TNIK: variants seen among roughly 807,000 people sequenced by gnomAD.
TNIK encodes TRAF2 and NCK-interacting protein kinase.
TNIK carries 49 observed loss-of-function variants against 191.3 expected under a neutral mutation model. That is an observed-to-expected ratio of 0.26 (90% CI 0.20 to 0.32). The LOEUF (loss-of-function observed/expected upper bound fraction) is 0.32, where lower values mean the gene tolerates loss of function less well. TNIK is among the 10% of genes least tolerant of loss of function. The pLI is 1.00. For synonymous variants in TNIK, 594 were observed against 600.9 expected (o/e 0.99, Z 0.17); for missense variants, 1,155 against 1,702.3 (o/e 0.68, Z 5.66).
chr3:171,327,353 T>C (rs1388200655), intron 2 of TNIK, among the ~76,000 whole-genome samples: 1 of 152,170 alleles, frequency 6.6e-6, no homozygotes, highest in Non-Finnish European at 1.5e-5. Context: ...TCACCAACTA[T>C]TTCTCTTGCC....
At chr3:171,099,495 C>A (rs1723157594) in intron 22 of TNIK, among the ~76,000 whole-genome samples, 1 of 151,960 alleles carries the variant, frequency 6.6e-6, no homozygotes, top group Admixed American at 6.6e-5. Flanking sequence ...TCACTGAAGA[C>A]CCACTGTATT....
chr3:171,067,219 C>A (rs892656067), intron 30 of TNIK, among the ~76,000 whole-genome samples: 3 of 152,008 alleles, frequency 2.0e-5, no homozygotes, highest in South Asian at 4.2e-4. Flanking sequence ...TGTAAGCCAG[C>A]TGAATCTAAT....
At position 171,085,218 on chromosome 3, in the gene TNIK, C is replaced by A. The variant is rs768627655; in HGVS notation, c.2898G>T (p.Gly966=). 3 of 1,608,714 alleles carry A rather than the reference C, an allele frequency of 1.9e-6. No individual in the cohort carries two copies. In the South Asian group the frequency reaches 3.3e-5, roughly 18 times the overall value. Residue 966 remains glycine, a synonymous_variant, in exon 25 of 33, where the codon GGG becomes GGT. Coordinates refer to ENST00000436636, the MANE Select transcript of TNIK (RefSeq NM_015028.4). ...EMDSGTEYGM[G]SSTKASFTPF... ...GGGTGAAGGAGGCTTTGGTGCTGCTCCCCATGCCATACTAATCAATAAGCA... is the reference window on the plus strand; with the variant it reads ...GGGTGAAGGAGGCTTTGGTGCTGCTACCCATGCCATACTAATCAATAAGCA...
At chr3:171,240,133 T>G (rs1415108893) in intron 2 of TNIK, among the ~76,000 whole-genome samples, 4 of 152,154 alleles carry the variant, frequency 2.6e-5, no homozygotes, top group Non-Finnish European at 5.9e-5. Context: ...CTGACTCCAG[T>G]GAAATTCTTC....
chr3:171,350,137 T>G (rs1225027324), intron 2 of TNIK, among the ~76,000 whole-genome samples: 1 of 152,238 alleles, frequency 6.6e-6, no homozygotes, highest in African/African-American at 2.4e-5. Context: ...CTGCCAATAT[T>G]GTCTATACCA....
At chr3:171,424,741 C>A (rs1724308260) in intron 1 of TNIK, among the ~76,000 whole-genome samples, 1 of 149,210 alleles carries the variant, frequency 6.7e-6, no homozygotes, top group Non-Finnish European at 1.5e-5. Flanking sequence ...GGACAAAAAA[C>A]CAAACACCGC....
intron 23 of TNIK, 22 bp from the exon 24 acceptor site, chr3:171,087,528 G>GA (rs1485884593): frequency 6.2e-7 from 1 of 1,608,780 alleles, no homozygotes; most frequent in Non-Finnish European, 8.5e-7. Flanking sequence ...CAGCACGTGG[G>GA]AGGAGTTAGA....
chr3:171,130,258 C>T (rs564966522), intron 15 of TNIK, among the ~76,000 whole-genome samples: 8 of 152,292 alleles, frequency 5.3e-5, no homozygotes, highest in African/African-American at 1.9e-4. Context: ...TTTTTAAACT[C>T]ATACTAACCT....
chr3:171,247,408 C>T (rs1560317156), intron 2 of TNIK, among the ~76,000 whole-genome samples: 1 of 152,164 alleles, frequency 6.6e-6, no homozygotes, highest in African/African-American at 2.4e-5. Flanking sequence ...CAGAAGTCCT[C>T]CAGGAAGATA....
chr3:171,118,104 C>A (rs1389366313), intron 18 of TNIK, among the ~76,000 whole-genome samples: 1 of 152,108 alleles, frequency 6.6e-6, no homozygotes, highest in Non-Finnish European at 1.5e-5. Context: ...TCTCAGGATA[C>A]AAAATCAATG....
intron 32 of TNIK, 113 bp downstream of exon 32, chr3:171,066,074 G>C: frequency 7.4e-7 from 1 of 1,355,710 alleles, no homozygotes. Flanking sequence ...AGATAATATT[G>C]ATTGTTTAAC....
At chr3:171,422,652 T>C (rs1290331280) in intron 1 of TNIK, among the ~76,000 whole-genome samples, 2 of 152,226 alleles carry the variant, frequency 1.3e-5, no homozygotes, top group Non-Finnish European at 1.5e-5. Flanking sequence ...TGCTATGCAC[T>C]GAGATACAAA....
chr3:171,229,400 C>T (rs761992568), intron 2 of TNIK, among the ~76,000 whole-genome samples: 1 of 152,160 alleles, frequency 6.6e-6, no homozygotes. Context: ...TATGAATTAA[C>T]AACAGATAAG....
At chr3:171,289,146 G>C (rs1751393624) in intron 2 of TNIK, among the ~76,000 whole-genome samples, 1 of 152,100 alleles carries the variant, frequency 6.6e-6, no homozygotes, top group Admixed American at 6.6e-5. Flanking sequence ...AGATGAAGTG[G>C]GGGTAAGAAT....
chr3:171,302,033 C>A (rs1752941279), intron 2 of TNIK, among the ~76,000 whole-genome samples: 1 of 152,180 alleles, frequency 6.6e-6, no homozygotes, highest in Admixed American at 6.5e-5. Flanking sequence ...AATTTAGATG[C>A]AAAGCCTACC....
intron 15 of TNIK, among the ~76,000 whole-genome samples, chr3:171,136,418 T>C (rs940773266): frequency 1.3e-5 from 2 of 152,180 alleles, no homozygotes; most frequent in Admixed American, 1.3e-4. Context: ...GACACACAAA[T>C]GACCTTAGAT....
chr3:171,071,779 C>G (rs934587191), intron 28 of TNIK, among the ~76,000 whole-genome samples: 1 of 152,098 alleles, frequency 6.6e-6, no homozygotes, highest in Admixed American at 6.6e-5. Context: ...TATTTGAATT[C>G]CAATTACCAA....
intron 21 of TNIK, 111 bp from the exon 22 acceptor site, chr3:171,101,744 A>AGAACT (rs1723605204): frequency 3.8e-6 from 4 of 1,056,926 alleles, no homozygotes; most frequent in Middle Eastern, 3.1e-4. Context: ...AGCTCTATAT[A>AGAACT]GAACTGTGAC....
Position 171,085,127 on chromosome 3 carries a change from A to T in TNIK, c.2989T>A (p.Ser997Thr), listed in dbSNP as rs772533880. ...GGCCCTTCTTGCTTACCTGCGGCTG[A>T]TGATTCCTCATCCTCTTCATCTTCA... Reference protein sequence around the residue: ...TDEDEEDEESSAAALFTSELL... With the variant: ...TDEDEEDEESTAAALFTSELL... The change falls in exon 25 of 33, where the codon TCA (serine) becomes ACA (threonine). Residue 997 changes from serine to threonine, a missense_variant. Ser to Thr is a moderately conservative substitution (Grantham distance 58, BLOSUM62 1). Coordinates refer to ENST00000436636, the MANE Select transcript of TNIK (RefSeq NM_015028.4). 1 of 1,608,404 alleles carries T rather than the reference A, an allele frequency of 6.2e-7. No individual in the cohort carries two copies.
Sources: allele counts gnomAD v4.1 joint callset (sites outside exome capture counted in the v4.1 genomes callset), GRCh38; gene constraint gnomAD v4.1.1; transcripts MANE v1.5; gene names NCBI Gene and HGNC (gene_info 2026-07-23, HGNC 2026-07-21).